Variants in MKX observed in about 807,000 individuals in gnomAD.
MKX encodes mohawk homeobox.
A neutral mutation model predicts 36.0 loss-of-function variants in MKX; 13 were observed. The observed-to-expected ratio is 0.36, with a 90% CI of 0.24 to 0.57. The LOEUF is 0.57. Ranked by LOEUF, MKX falls within the 20% of genes least tolerant of loss-of-function variation. The pLI is 0.79. For synonymous variants in MKX, 176 were observed against 178.3 expected (o/e 0.99, Z 0.10); for missense variants, 458 against 456.4 (o/e 1.00, Z -0.03).
rs778204457 is a variant in MKX, at chr10:27,674,397, G to T, written c.*832C>A. On this transcript the variant is annotated 3_prime_UTR_variant, in exon 7 of 7. Coordinates refer to ENST00000419761, the MANE Select transcript of MKX (RefSeq NM_173576.3). Reference sequence around the variant, plus strand: ...AGACAGTGAGCTCTAATGCAAACAGGATTATGTTTTAAAACTACAGGTTTA... The same window carrying T: ...AGACAGTGAGCTCTAATGCAAACAGTATTATGTTTTAAAACTACAGGTTTA... 2 of 152,446 alleles carry T rather than the reference G, an allele frequency of 1.3e-5. No homozygotes were observed. Among genetic ancestry groups the T allele is most frequent in the South Asian group, 2.1e-4 (1 of 4,830 alleles). The allele number at this position is 152,446 out of a possible 1,614,324, so 9.4% of individuals were successfully genotyped here.
At chr10:27,710,171 T>C (rs978444331) in intron 5 of MKX, among the ~76,000 whole-genome samples, 14 of 152,178 alleles carry the variant, frequency 9.2e-5, no homozygotes, top group African/African-American at 2.4e-4. Context: ...TTAAATTTCA[T>C]AGTGACATAG....
chr10:27,679,142 G>A (rs1389893359), intron 5 of MKX, among the ~76,000 whole-genome samples: 1 of 152,016 alleles, frequency 6.6e-6, no homozygotes, highest in Non-Finnish European at 1.5e-5. Flanking sequence ...GCTGGGGGAG[G>A]GAAAGCATTA....
At chr10:27,685,921 A>G (rs1589655421) in intron 5 of MKX, among the ~76,000 whole-genome samples, 2 of 152,328 alleles carry the variant, frequency 1.3e-5, no homozygotes, top group East Asian at 3.9e-4. Context: ...GAGTAAAGAG[A>G]AATCATTCTA....
intron 3 of MKX, among the ~76,000 whole-genome samples, chr10:27,739,990 GC>G (rs946434865): frequency 6.6e-5 from 10 of 152,180 alleles, no homozygotes; most frequent in African/African-American, 2.4e-4. Flanking sequence ...CAGATATTAA[GC>G]CAAGAACACT....
intron 5 of MKX, among the ~76,000 whole-genome samples, chr10:27,706,518 C>T (rs1836758670): frequency 6.6e-6 from 1 of 151,078 alleles, no homozygotes; most frequent in Non-Finnish European, 1.5e-5. Context: ...CTGATTTTTC[C>T]CCATCCTTGC....
Position 27,734,565 on chromosome 10 carries a change from T to C in MKX, c.729A>G (p.Gly243=). The change falls in exon 5 of 7, where the codon GGA becomes GGG. Residue 243 remains glycine, a synonymous_variant. Transcript: ENST00000419761. ...HVMATNTTMM[G]KTRQRNHSGS... ...CCGAGTGGTTTCTTTGCCTTGTTTT[T>C]CCCATCATGGTAGTGTTCGTGGCCA... The C allele has an allele frequency of 1.2e-6, 2 of 1,614,212 alleles. No individual in the cohort carries two copies. Among genetic ancestry groups the C allele is most frequent in the Non-Finnish European group, 1.7e-6 (2 of 1,180,030 alleles).
intron 5 of MKX, among the ~76,000 whole-genome samples, chr10:27,732,173 G>A (rs1419134194): frequency 1.3e-5 from 2 of 151,946 alleles, no homozygotes; most frequent in African/African-American, 2.4e-5. Context: ...GTAGGATAAC[G>A]TTTACATTTT....
intron 5 of MKX, among the ~76,000 whole-genome samples, chr10:27,709,327 T>C (rs1836812802): frequency 6.6e-6 from 1 of 152,192 alleles, no homozygotes; most frequent in South Asian, 2.1e-4. Flanking sequence ...ATTTAAAGGA[T>C]ACAGGGGGAT....
intron 5 of MKX, among the ~76,000 whole-genome samples, chr10:27,712,781 T>C (rs1419998266): frequency 6.6e-6 from 1 of 151,938 alleles, no homozygotes; most frequent in Non-Finnish European, 1.5e-5. Context: ...TCTCTACAAA[T>C]AAAATGTTAG....
chr10:27,736,255 C>T (rs1834773451), intron 3 of MKX, among the ~76,000 whole-genome samples: 2 of 152,056 alleles, frequency 1.3e-5, no homozygotes, highest in South Asian at 2.1e-4. Flanking sequence ...AGAGGTAGAA[C>T]CATGGGTGAA....
chr10:27,724,387 T>C (rs1834442126), intron 5 of MKX, among the ~76,000 whole-genome samples: 1 of 152,158 alleles, frequency 6.6e-6, no homozygotes, highest in African/African-American at 2.4e-5. Context: ...CCCAAAACCA[T>C]GAGCCTGTGA....
At chr10:27,683,034 T>C (rs1375759081) in intron 5 of MKX, among the ~76,000 whole-genome samples, 1 of 151,532 alleles carries the variant, frequency 6.6e-6, no homozygotes, top group Non-Finnish European at 1.5e-5. Context: ...CACAACTACA[T>C]GCGCAGTTCA....
At chr10:27,717,852 C>A (rs1836993121) in intron 5 of MKX, among the ~76,000 whole-genome samples, 1 of 152,224 alleles carries the variant, frequency 6.6e-6, no homozygotes, top group Non-Finnish European at 1.5e-5. Flanking sequence ...AAGACCCATG[C>A]AGCATAACAG....
chr10:27,698,251 T>G (rs1343342447), intron 5 of MKX, among the ~76,000 whole-genome samples: 2 of 152,074 alleles, frequency 1.3e-5, no homozygotes, highest in Admixed American at 1.3e-4. Flanking sequence ...TGTGCCAAGA[T>G]AAGGAAAGTG....
intron 5 of MKX, among the ~76,000 whole-genome samples, chr10:27,703,100 T>C (rs1386888201): frequency 1.3e-5 from 2 of 152,110 alleles, no homozygotes; most frequent in African/African-American, 4.8e-5. Context: ...ATGTAGAAAA[T>C]GGAATTACAA....
chr10:27,683,118 G>A (rs1836285212), intron 5 of MKX, among the ~76,000 whole-genome samples: 1 of 152,238 alleles, frequency 6.6e-6, no homozygotes, highest in Non-Finnish European at 1.5e-5. Context: ...AGATGGTAAT[G>A]TGAGCGATGG....
Position 27,734,715 on chromosome 10 carries a change from A to T in MKX, c.579T>A (p.Ser193Arg). 2 of 1,613,988 alleles carry T rather than the reference A, an allele frequency of 1.2e-6. No homozygotes were observed. Among genetic ancestry groups the T allele is most frequent in the Non-Finnish European group, 8.5e-7 (1 of 1,180,004 alleles). The change falls in exon 5 of 7, where the codon AGT becomes AGA. Residue 193 changes from serine to arginine, a missense_variant. Physicochemically the swap from Ser to Arg is moderately radical, Grantham distance 110. Around this residue, in one of 3 missense-constraint regions of MKX, gnomAD observed 297 missense variants for 304.4 expected, o/e 0.98. Transcript: ENST00000419761. ...NTPVHHPVIK[S>R]ENSVIKAGVR... ...CTCCCGCTTTGATGACCGAATTCTC[A>T]CTTTTAATCACAGGATGGTGAACTG...
At position 27,680,974 on chromosome 10, in the gene MKX, A is replaced by T. The variant is rs369922496; in HGVS notation, c.839-5420T>A. On this transcript the variant is annotated intron_variant, in intron 5 of 6. Transcript: ENST00000419761. ...GGAAGAGGAAGCCACTCATATTTTA[A>T]AACAATAAAAGAAGGTACAGTTGTG... 7.9e-5 allele frequency among the ~76,000 whole-genome samples: 12 copies of T among 152,362 alleles called. No individual in the cohort carries two copies. In the East Asian group the frequency reaches 2.1e-3, roughly 27 times the overall value.
intron 5 of MKX, among the ~76,000 whole-genome samples, chr10:27,694,634 G>A (rs368586594): frequency 6.8e-6 from 1 of 146,368 alleles, no homozygotes; most frequent in Admixed American, 6.9e-5. Context: ...GGCAGAGCTT[G>A]CAGTGAGCCG....
Sources: allele counts gnomAD v4.1 joint callset (sites outside exome capture counted in the v4.1 genomes callset), GRCh38; gene constraint gnomAD v4.1.1; regional missense constraint gnomAD v4.1.1; transcripts MANE v1.5; gene names NCBI Gene and HGNC (gene_info 2026-07-23, HGNC 2026-07-21).